NOS1: variants seen among roughly 807,000 people sequenced by gnomAD.
The protein encoded by NOS1 is NOS type I.
Under a neutral mutation model 164.5 loss-of-function variants are expected in NOS1, and 51 were observed. That is an observed-to-expected ratio of 0.31 (90% CI 0.25 to 0.39). The LOEUF is 0.39. Among genes scored for constraint, NOS1 ranks in the 10% least tolerant of loss-of-function variants. NOS1 has a pLI of 1.00. For synonymous variants in NOS1, 719 were observed against 745.8 expected (o/e 0.96, Z 0.59); for missense variants, 1,362 against 1,885.6 (o/e 0.72, Z 5.14).
Position 117,226,724 on chromosome 12 carries a change from G to C in NOS1, c.3663C>G (p.Asn1221Lys). 6.2e-7 allele frequency: 1 copy of C among 1,613,962 alleles called. No homozygotes were observed. The highest frequency in any genetic ancestry group is 8.5e-7 in the Non-Finnish European group (1 of 1,179,946). Residue 1221 changes from asparagine to lysine, a missense_variant, in exon 24 of 29, where the codon AAC becomes AAG. Physicochemically the swap from Asn to Lys is moderately conservative, Grantham distance 94. This residue lies in a region of NOS1 where 737 missense variants were observed against 1,030.3 expected (regional missense o/e 0.72). Coordinates refer to ENST00000317775, the MANE Select transcript of NOS1 (RefSeq NM_000620.5). ...IHHGVCSSWL[N>K]RIQADELVPC... ...GGACCAGTTCGTCAGCCTGTATCCGGTTGAGCCAGGAGGAGCATACGCCGT... is the reference window on the plus strand; with the variant it reads ...GGACCAGTTCGTCAGCCTGTATCCGCTTGAGCCAGGAGGAGCATACGCCGT...
chr12:117,220,636 C>T (rs1165235485), intron 26 of NOS1, among the ~76,000 whole-genome samples: 1 of 152,134 alleles, frequency 6.6e-6, no homozygotes, highest in Non-Finnish European at 1.5e-5. Context: ...GTGTTAACAC[C>T]TGCACATTTC....
In NOS1 at chr12:117,234,742, C is replaced by A; in HGVS notation, c.3058G>T (p.Val1020Leu). 1 of 1,611,284 alleles carries A rather than the reference C, an allele frequency of 6.2e-7. No individual in the cohort carries two copies. The highest frequency in any genetic ancestry group is 8.5e-7 in the Non-Finnish European group (1 of 1,177,952). Residue 1020 changes from valine to leucine, a missense_variant, in exon 21 of 29, where the codon GTG (valine) becomes TTG (leucine). Physicochemically the swap from Val to Leu is conservative, Grantham distance 32. This residue lies in a region of NOS1 where 737 missense variants were observed against 1,030.3 expected (regional missense o/e 0.72). Coordinates refer to ENST00000317775, the MANE Select transcript of NOS1 (RefSeq NM_000620.5). This position sits in a 1 kb window ranked among gnomAD's most constrained non-coding sequence, Gnocchi z 4.3. ...TGGCTCCCGTTGGTGTGGAGACGCA[C>A]GAAGATAGTTGACCGACTGCAGGAA... ...SPKSSRSTIF[V>L]RLHTNGSQEL...
intron 2 of NOS1, among the ~76,000 whole-genome samples, chr12:117,317,232 G>A (rs1263162835): frequency 6.6e-6 from 1 of 151,804 alleles, no homozygotes; most frequent in Non-Finnish European, 1.5e-5. Flanking sequence ...AGAAGGAGAT[G>A]GACAGGGCCT....
At chr12:117,261,178 CAAAAAAAA>C (rs534260940) in intron 13 of NOS1, among the ~76,000 whole-genome samples, 1,360 of 77,252 alleles carry the variant, frequency 0.018, 42 homozygotes, top group East Asian at 0.06. Flanking sequence ...GACTCTGCCT[CAAAAAAAA>C]AAAAAAAAAA....
rs753508702 is a variant in NOS1 at position 117,272,379 on chromosome 12, C to T, written c.1839+6G>A. 6.2e-7 allele frequency: 1 copy of T among 1,614,076 alleles called. No individual in the cohort carries two copies. On this transcript the variant is annotated splice_donor_region_variant and intron_variant, in intron 10 of 28. Transcript: ENST00000317775. This position sits in a 1 kb window ranked among gnomAD's most constrained non-coding sequence, Gnocchi z 4.3. ...TTCCCCTGTGGTGACCAGAGAGGGC[C>T]CTTACCTCCAGGATATTGTAGCGGG...
chr12:117,271,346 C>T (rs1291941497), intron 10 of NOS1, among the ~76,000 whole-genome samples: 1 of 151,568 alleles, frequency 6.6e-6, no homozygotes, highest in Admixed American at 6.6e-5. Flanking sequence ...GGCGCAATCT[C>T]GGCTCACTGC....
intron 3 of NOS1, among the ~76,000 whole-genome samples, chr12:117,302,420 C>A (rs1873878602): frequency 6.6e-6 from 1 of 151,890 alleles, no homozygotes; most frequent in Admixed American, 6.6e-5. Flanking sequence ...TGGTGAAACC[C>A]CATCTCTACT....
chr12:117,304,849 G>A (rs1458287469), intron 3 of NOS1: 1 of 210,482 alleles, frequency 4.8e-6, no homozygotes, highest in Non-Finnish European at 8.2e-6. Context: ...CAAGAGCATC[G>A]AAGAGGGTGG....
chr12:117,359,330 C>T (rs1877007916), intron 1 of NOS1, among the ~76,000 whole-genome samples: 1 of 152,212 alleles, frequency 6.6e-6, no homozygotes, highest in African/African-American at 2.4e-5. Flanking sequence ...GGAGCTGCCA[C>T]AAGAGCCCTT....
At chr12:117,293,281 C>T (rs1245387810) in intron 3 of NOS1, among the ~76,000 whole-genome samples, 1 of 152,184 alleles carries the variant, frequency 6.6e-6, no homozygotes, top group Non-Finnish European at 1.5e-5. Flanking sequence ...TCTTCCACGG[C>T]TCCTGGCCCT....
At chr12:117,264,580 CTTCT>C (rs1251084511) in intron 12 of NOS1, among the ~76,000 whole-genome samples, 2 of 134,702 alleles carry the variant, frequency 1.5e-5, no homozygotes, top group Non-Finnish European at 3.2e-5. Context: ...CCCTTCCTTC[CTTCT>C]TTTCCTTCCT....
chr12:117,225,462 A>G (rs755600233), intron 24 of NOS1, among the ~76,000 whole-genome samples: 7 of 152,038 alleles, frequency 4.6e-5, no homozygotes, highest in Non-Finnish European at 7.4e-5. Context: ...TGTCCTATGC[A>G]TGGTAGGGTA....
chr12:117,285,446 G>A, intron 6 of NOS1, 114 bp from the exon 7 acceptor site: 3 of 537,100 alleles, frequency 5.6e-6, no homozygotes, highest in African/African-American at 1.9e-5. Context: ...TGCTACATTG[G>A]TGAAGTGGGC....
At chr12:117,247,553 A>G (rs772512069) in intron 17 of NOS1, 31 bp from the exon 18 acceptor site, 2 of 1,585,002 alleles carry the variant, frequency 1.3e-6, no homozygotes, top group South Asian at 1.2e-5. Flanking sequence ...TGTTCATGCT[A>G]AGGGACTGTG....
chr12:117,359,218 G>A (rs1185683951), intron 1 of NOS1, among the ~76,000 whole-genome samples: 1 of 151,474 alleles, frequency 6.6e-6, no homozygotes, highest in Non-Finnish European at 1.5e-5. Context: ...GGCGGTGCTG[G>A]TGGGGCGGAC....
chr12:117,300,406 C>T (rs1873739008), intron 3 of NOS1, among the ~76,000 whole-genome samples: 1 of 152,190 alleles, frequency 6.6e-6, no homozygotes, highest in African/African-American at 2.4e-5. Context: ...TCCAGCAGGG[C>T]TGAACCCAAA....
At chr12:117,316,146 T>C (rs754054545) in intron 2 of NOS1, among the ~76,000 whole-genome samples, 2 of 152,176 alleles carry the variant, frequency 1.3e-5, no homozygotes, top group Admixed American at 6.5e-5. Context: ...TAAGTCTATA[T>C]TGTCAGACAG....
intron 4 of NOS1, among the ~76,000 whole-genome samples, chr12:117,289,555 C>A (rs1286860531): frequency 2.0e-5 from 3 of 152,210 alleles, no homozygotes; most frequent in Non-Finnish European, 4.4e-5. Flanking sequence ...GATACACGTG[C>A]AGAACGTGCA....
chr12:117,292,666 G>T (rs1873138840), intron 3 of NOS1, among the ~76,000 whole-genome samples: 1 of 152,206 alleles, frequency 6.6e-6, no homozygotes, highest in African/African-American at 2.4e-5. Context: ...GAAGAAAGGA[G>T]TCCAATCCAG....
Sources: gnomAD v4.1 joint callset for allele counts (sites outside exome capture counted in the v4.1 genomes callset) on GRCh38, gnomAD v4.1.1 for gene constraint, gnomAD v4.1.1 regional missense constraint, Gnocchi (gnomAD v3.1) non-coding constraint, MANE v1.5 for transcripts, NCBI Gene and HGNC (gene_info 2026-07-23, HGNC 2026-07-21) for gene names.